ADAMTS2: variants seen among roughly 807,000 people sequenced by gnomAD.
ADAMTS2 encodes the protein A disintegrin and metalloproteinase with thrombospondin motifs 2.
ADAMTS2 carries 50 observed loss-of-function variants against 123.0 expected under a neutral mutation model. That is an observed-to-expected ratio of 0.41 (90% CI 0.32 to 0.51). The LOEUF (loss-of-function observed/expected upper bound fraction) is 0.51, where lower values mean the gene tolerates loss of function less well. ADAMTS2 is among the 20% of genes least tolerant of loss of function. ADAMTS2 has a pLI of 0.35. For synonymous variants in ADAMTS2, 678 were observed against 695.4 expected, an observed-to-expected ratio of 0.98 and a Z score of 0.39; for missense variants, 1,494 against 1,705.2, an observed-to-expected ratio of 0.88 and a Z score of 2.18.
At chr5:179,331,322 A>G (rs1561758227) in intron 2 of ADAMTS2, among the ~76,000 whole-genome samples, 1 of 127,432 alleles carries the variant, frequency 7.8e-6, no homozygotes, top group Non-Finnish European at 1.6e-5. Context: ...GAGGGAGAAG[A>G]GAAGGGAGGG....
At chr5:179,204,401 TAAG>T (rs1229294148) in intron 4 of ADAMTS2, among the ~76,000 whole-genome samples, 1 of 152,204 alleles carries the variant, frequency 6.6e-6, no homozygotes, top group Non-Finnish European at 1.5e-5. Flanking sequence ...TTGGAACAAA[TAAG>T]AAGTTAAATT....
Position 179,225,926 on chromosome 5 carries a change from C to A in ADAMTS2, c.689-18211G>T, listed in dbSNP as rs186227327. ...AACTGAGCTGGTTAACACAAGCCGCCTACAGACAGCTAAAGTAAAAGAGCA... is the reference window on the plus strand; with the variant it reads ...AACTGAGCTGGTTAACACAAGCCGCATACAGACAGCTAAAGTAAAAGAGCA... On this transcript the variant is annotated intron_variant, in intron 3 of 21. Transcript: ENST00000251582. This position sits in a 1 kb window ranked among gnomAD's most constrained non-coding sequence, Gnocchi z 4.5. Among the ~76,000 whole-genome samples, 508 of 152,322 alleles carry A rather than the reference C, an allele frequency of 3.3e-3. 3 individuals are homozygous for A. The highest frequency in any genetic ancestry group is 0.012 in the African/African-American group (479 of 41,566).
chr5:179,150,364 C>A (rs1051110813), intron 10 of ADAMTS2, among the ~76,000 whole-genome samples: 21 of 152,188 alleles, frequency 1.4e-4, no homozygotes, highest in African/African-American at 4.3e-4. Flanking sequence ...CTCACTGGGC[C>A]CCCAGCAACT....
intron 3 of ADAMTS2, among the ~76,000 whole-genome samples, chr5:179,237,462 A>T (rs11741099): frequency 6.6e-6 from 1 of 151,868 alleles, no homozygotes; most frequent in Non-Finnish European, 1.5e-5. Flanking sequence ...AGAAATAAAC[A>T]CTATGTAAGC....
rs1581143409 is a variant in ADAMTS2 at position 179,132,893 on chromosome 5, C to T, written c.2093G>A (p.Gly698Asp). The T allele has an allele frequency of 6.2e-7, 1 of 1,613,762 alleles. No homozygotes were observed. The highest frequency in any genetic ancestry group is 8.5e-7 in the Non-Finnish European group (1 of 1,179,910). ...LCVRGDCRKVGCDGVIGSSKQ... is the reference protein window; with the variant it reads ...LCVRGDCRKVDCDGVIGSSKQ... ...GCTGGAGCCGATCACACCGTCACAG[C>T]CCACCTTCTGTTGGGGGAGGAGGCA... is the stretch of plus-strand genomic sequence containing the variant. Residue 698 changes from glycine (G) to aspartate (D), a missense_variant, in exon 14 of 22, where the codon GGC becomes GAC. Physicochemically the swap from Gly to Asp is moderately conservative, Grantham distance 94. Around this residue, in one of 6 missense-constraint regions of ADAMTS2, gnomAD observed 953 missense variants for 1,124.7 expected, o/e 0.85. Coordinates refer to ENST00000251582, the MANE Select transcript of ADAMTS2 (RefSeq NM_014244.5). This position sits in a 1 kb window ranked among gnomAD's most constrained non-coding sequence, Gnocchi z 6.1.
At position 179,285,770 on chromosome 5, in the gene ADAMTS2, C is replaced by G. The variant is rs73808244; in HGVS notation, c.535-12706G>C. ...TCTCTACTAAAGAAGAAAAATGACT[C>G]GTGCTGCAGGAACATTTGCCAAACT... is the stretch of plus-strand genomic sequence containing the variant. On this transcript the variant is annotated intron_variant, in intron 2 of 21. Transcript: ENST00000251582. The surrounding 1 kb of genome is among the most constrained non-coding windows in gnomAD (Gnocchi z 4.9). Among the ~76,000 whole-genome samples the G allele has an allele frequency of 6.7e-3, 1,027 of 152,304 alleles. 17 individuals are homozygous for G. The highest frequency in any genetic ancestry group is 0.024 in the African/African-American group (980 of 41,560).
intron 11 of ADAMTS2, among the ~76,000 whole-genome samples, chr5:179,138,937 G>A (rs967725695): frequency 6.6e-6 from 1 of 152,348 alleles, no homozygotes; most frequent in East Asian, 1.9e-4. Flanking sequence ...AACTGGGCCC[G>A]GCTGTGCATC....
chr5:179,188,133 C>A lies in ADAMTS2; in HGVS notation c.892-6978G>T, dbSNP rs79176083. 0.061 allele frequency among the ~76,000 whole-genome samples: 9,238 copies of A among 152,244 alleles called. 328 individuals are homozygous for A. The highest frequency in any genetic ancestry group is 0.11 in the African/African-American group (4,676 of 41,536). On this transcript the variant is annotated intron_variant, in intron 4 of 21. Coordinates refer to ENST00000251582, the MANE Select transcript of ADAMTS2 (RefSeq NM_014244.5). The surrounding 1 kb of genome is among the most constrained non-coding windows in gnomAD (Gnocchi z 5.1). ...ACAGGCAGGGGCCCTGGAACAGCAG[C>A]CACCCCAACCTTCAGGAAAGTTCCC...
chr5:179,179,636 T>C (rs944736570), intron 5 of ADAMTS2, among the ~76,000 whole-genome samples: 3 of 152,148 alleles, frequency 2.0e-5, no homozygotes, highest in Non-Finnish European at 4.4e-5. Context: ...GTTCCAAGGA[T>C]TTGTTTTGGG....
intron 10 of ADAMTS2, among the ~76,000 whole-genome samples, chr5:179,146,488 G>A (rs1035669096): frequency 2.0e-5 from 3 of 152,168 alleles, no homozygotes; most frequent in Admixed American, 6.5e-5. Context: ...TGCCGTGGAC[G>A]CCCTGACTGC....
At chr5:179,140,184 G>C in intron 10 of ADAMTS2, 149 bp from the exon 11 acceptor site, 1 of 1,211,912 alleles carries the variant, frequency 8.3e-7, no homozygotes, top group Non-Finnish European at 1.2e-6. Context: ...TAGATGCTCA[G>C]AGCCCCCAGA....
At chr5:179,284,069 G>A (rs1305052065) in intron 2 of ADAMTS2, among the ~76,000 whole-genome samples, 3 of 151,510 alleles carry the variant, frequency 2.0e-5, no homozygotes, top group South Asian at 2.1e-4. Flanking sequence ...AGTGGCTCAC[G>A]TCCATAATCC....
rs561707970 is a variant in ADAMTS2, at chr5:179,235,108, C to T, written c.689-27393G>A. 4.6e-5 allele frequency among the ~76,000 whole-genome samples: 7 copies of T among 152,354 alleles called. No individual in the cohort carries two copies. In the South Asian group the frequency reaches 1.2e-3, roughly 27 times the overall value. ...CCCAGCTCCCAGCTCGTTAGGCCCG[C>T]AAAGAGAGCAAGTTACTCTCTCTCC... On this transcript the variant is annotated intron_variant, in intron 3 of 21. Coordinates refer to ENST00000251582, the MANE Select transcript of ADAMTS2 (RefSeq NM_014244.5).
chr5:179,291,056 A>G (rs1756173027), intron 2 of ADAMTS2, among the ~76,000 whole-genome samples: 1 of 152,200 alleles, frequency 6.6e-6, no homozygotes, highest in South Asian at 2.1e-4. Context: ...GGTCTCAGTG[A>G]GTGGCTTGAT....
In ADAMTS2 at chr5:179,223,376, G is replaced by T. The variant is rs1765176814; in HGVS notation, c.689-15661C>A. ...AATGCACTCAGACACTCACAAACAC[G>T]CACACACGAATGCACTCACACACAC... On this transcript the variant is annotated intron_variant, in intron 3 of 21. Coordinates refer to ENST00000251582, the MANE Select transcript of ADAMTS2 (RefSeq NM_014244.5). 2.6e-5 allele frequency among the ~76,000 whole-genome samples: 3 copies of T among 114,316 alleles called. No homozygotes were observed. In the East Asian group the frequency reaches 9.5e-4, roughly 36 times the overall value. The allele number at this position is 114,316 out of a possible 152,430, so 75.0% of individuals were successfully genotyped here. A position where few individuals can be genotyped will look rare whatever the true frequency, so the allele number is the denominator to read the frequency against.
At chr5:179,221,630 C>T (rs1054645285) in intron 3 of ADAMTS2, among the ~76,000 whole-genome samples, 5 of 152,270 alleles carry the variant, frequency 3.3e-5, no homozygotes, top group East Asian at 1.9e-4. Flanking sequence ...TCCTCCAGGA[C>T]GCTCCCATGC....
rs760662401 is a variant in ADAMTS2 at position 179,126,104 on chromosome 5, G to A, written c.2644C>T (p.Arg882Cys). The A allele has an allele frequency of 6.2e-6, 10 of 1,613,002 alleles. No individual in the cohort carries two copies. Among genetic ancestry groups the A allele is most frequent in the Admixed American group, 3.3e-5 (2 of 60,004 alleles). The change falls in exon 18 of 22, where the codon CGC (arginine) becomes TGC (cysteine). Residue 882 changes from arginine to cysteine, a missense_variant. Arg to Cys is a radical substitution (Grantham distance 180, BLOSUM62 -3). Around this residue, in one of 6 missense-constraint regions of ADAMTS2, gnomAD observed 953 missense variants for 1,124.7 expected, o/e 0.85. Coordinates refer to ENST00000251582, the MANE Select transcript of ADAMTS2 (RefSeq NM_014244.5). ...GGSQFTKYGC[R>C]RRLDHKMVHR... ...ACCATCTTGTGGTCCAGCCTCCGGC[G>A]GCAGCCATACTTGGTGAACTGGGAC... is the stretch of plus-strand genomic sequence containing the variant.
In ADAMTS2 at chr5:179,317,880, G is replaced by A. The variant is rs1202500879; in HGVS notation, c.534+25887C>T. 1.3e-5 allele frequency among the ~76,000 whole-genome samples: 2 copies of A among 152,114 alleles called. No homozygotes were observed. The highest frequency in any genetic ancestry group is 2.9e-5 in the Non-Finnish European group (2 of 68,020). On this transcript the variant is annotated intron_variant, in intron 2 of 21. Transcript: ENST00000251582. The surrounding 1 kb of genome is among the most constrained non-coding windows in gnomAD (Gnocchi z 4.9). Reference sequence around the variant, plus strand: ...GAGGGAGGGAGGCAGGTGTAGACTGGGCCAGGGAAAGGTTCTGGAAACCCA... The same window carrying A: ...GAGGGAGGGAGGCAGGTGTAGACTGAGCCAGGGAAAGGTTCTGGAAACCCA...
At chr5:179,169,454 T>C (rs1763772768) in intron 5 of ADAMTS2, among the ~76,000 whole-genome samples, 1 of 152,220 alleles carries the variant, frequency 6.6e-6, no homozygotes, top group South Asian at 2.1e-4. Flanking sequence ...CCAGCCTTAG[T>C]GCCTCCTAGT....
Sources: allele counts gnomAD v4.1 joint callset (sites outside exome capture counted in the v4.1 genomes callset), GRCh38; gene constraint gnomAD v4.1.1; regional missense constraint gnomAD v4.1.1; non-coding constraint Gnocchi (gnomAD v3.1); transcripts MANE v1.5; gene names NCBI Gene and HGNC (gene_info 2026-07-23, HGNC 2026-07-21).